RNF216: variants seen among roughly 807,000 people sequenced by gnomAD.
RNF216 encodes ring finger protein 216.
Under a neutral mutation model 110.8 loss-of-function variants are expected in RNF216, and 72 were observed. That is an observed-to-expected ratio of 0.65 (90% confidence interval 0.54 to 0.79). RNF216 has a LOEUF of 0.79. Among genes scored for constraint, RNF216 ranks in the 30% least tolerant of loss-of-function variants. The pLI is 0.00. For synonymous variants in RNF216, 495 were observed against 407.5 expected (o/e 1.21, Z -2.59); for missense variants, 1,342 against 1,141.2 (o/e 1.18, Z -2.54).
intron 13 of RNF216, among the ~76,000 whole-genome samples, chr7:5,705,237 C>A (rs1336946137): frequency 2.6e-5 from 4 of 152,190 alleles, no homozygotes; most frequent in Non-Finnish European, 5.9e-5. Flanking sequence ...AACACGTACA[C>A]ACTGGATGTC....
intron 15 of RNF216, among the ~76,000 whole-genome samples, chr7:5,635,295 T>G (rs1787332036): frequency 6.6e-6 from 1 of 151,722 alleles, no homozygotes; most frequent in Non-Finnish European, 1.5e-5. Context: ...CTTCACTTTT[T>G]TTTTTTTTTT....
chr7:5,727,707 TGAGA>T (rs1392338319), intron 7 of RNF216, among the ~76,000 whole-genome samples: 1 of 151,522 alleles, frequency 6.6e-6, no homozygotes, highest in Non-Finnish European at 1.5e-5. Context: ...CCAGCCTGGG[TGAGA>T]GAGAGAGACC....
At chr7:5,650,955 T>C (rs1788349327) in intron 14 of RNF216, among the ~76,000 whole-genome samples, 1 of 152,186 alleles carries the variant, frequency 6.6e-6, no homozygotes, top group African/African-American at 2.4e-5. Context: ...ATATCCTTCA[T>C]ATTTAAACTG....
intron 13 of RNF216, among the ~76,000 whole-genome samples, chr7:5,708,204 G>C (rs147087339): frequency 6.6e-6 from 1 of 152,326 alleles, no homozygotes; most frequent in South Asian, 2.1e-4. Flanking sequence ...AGGAGAAAAA[G>C]TGTTTTCTGT....
chr7:5,669,119 C>A (rs3807581), intron 13 of RNF216, among the ~76,000 whole-genome samples: 4 of 152,170 alleles, frequency 2.6e-5, no homozygotes, highest in African/African-American at 4.8e-5. Context: ...CACCCAGTCC[C>A]GTGCTATGCA....
At chr7:5,751,085 C>G (rs1377910390) in intron 3 of RNF216, among the ~76,000 whole-genome samples, 1 of 152,194 alleles carries the variant, frequency 6.6e-6, no homozygotes, top group Non-Finnish European at 1.5e-5. Flanking sequence ...CCTTAGAGTC[C>G]TAACGGCAGT....
Position 5,711,772 on chromosome 7 carries a change from G to C in RNF216, c.2050C>G (p.His684Asp). Residue 684 changes from histidine (H) to aspartate (D), a missense_variant, in exon 13 of 17, where the codon CAC becomes GAC. By Grantham distance (81) the His-to-Asp change is moderately conservative. Coordinates refer to ENST00000389902, the MANE Select transcript of RNF216 (RefSeq NM_207111.4). ...ATGTGCCTCCCTACCTTTCGGCAGT[G>C]AGGATTAGGACAGCTGAACCTCTTC... is the stretch of plus-strand genomic sequence containing the variant. ...DVKRFSCPNP[H>D]CRKETCRKCQ... The C allele has an allele frequency of 6.2e-7, 1 of 1,613,424 alleles. No individual in the cohort carries two copies. The highest frequency in any genetic ancestry group is 8.5e-7 in the Non-Finnish European group (1 of 1,179,696).
intron 2 of RNF216, among the ~76,000 whole-genome samples, chr7:5,757,199 T>C (rs996161205): frequency 6.6e-6 from 1 of 152,226 alleles, no homozygotes; most frequent in African/African-American, 2.4e-5. Context: ...AAACAAGTCT[T>C]AAAAATCCCC....
At chr7:5,742,684 C>G (rs1794829182) in intron 3 of RNF216, among the ~76,000 whole-genome samples, 1 of 147,256 alleles carries the variant, frequency 6.8e-6, no homozygotes, top group African/African-American at 2.5e-5. Flanking sequence ...CAACTTCTGC[C>G]TCCCAGGTTC....
chr7:5,726,554 G>A (rs1793763754), intron 7 of RNF216, among the ~76,000 whole-genome samples: 1 of 152,010 alleles, frequency 6.6e-6, no homozygotes, highest in Non-Finnish European at 1.5e-5. Context: ...TCCCTTATCA[G>A]GATTTAAATG....
At chr7:5,659,624 A>T (rs1159745376) in intron 13 of RNF216, among the ~76,000 whole-genome samples, 1 of 152,198 alleles carries the variant, frequency 6.6e-6, no homozygotes, top group Non-Finnish European at 1.5e-5. Flanking sequence ...TGTTAAAGGG[A>T]TGGTTTGCTG....
At chr7:5,770,936 T>C (rs1460218225) in intron 1 of RNF216, among the ~76,000 whole-genome samples, 1 of 151,848 alleles carries the variant, frequency 6.6e-6, no homozygotes, top group Non-Finnish European at 1.5e-5. Flanking sequence ...GCCTCCAGAG[T>C]TGCTGGAATT....
At chr7:5,630,134 A>C (rs1043505334) in intron 15 of RNF216, among the ~76,000 whole-genome samples, 1 of 152,082 alleles carries the variant, frequency 6.6e-6, no homozygotes, top group African/African-American at 2.4e-5. Context: ...ATCACAGCAC[A>C]ACTGTCCTGC....
intron 5 of RNF216, among the ~76,000 whole-genome samples, chr7:5,737,874 G>C (rs1363199349): frequency 2.6e-5 from 4 of 152,050 alleles, no homozygotes; most frequent in Non-Finnish European, 4.4e-5. Context: ...CAGATCATGA[G>C]GTCAGGGTTT....
chr7:5,702,170 C>G (rs1792010392), intron 13 of RNF216, among the ~76,000 whole-genome samples: 1 of 152,106 alleles, frequency 6.6e-6, no homozygotes, highest in South Asian at 2.1e-4. Flanking sequence ...GCAGTTGCCT[C>G]TGCGAGTTTC....
chr7:5,770,778 A>G (rs1251285992), intron 1 of RNF216, among the ~76,000 whole-genome samples: 1 of 152,076 alleles, frequency 6.6e-6, no homozygotes, highest in Non-Finnish European at 1.5e-5. Context: ...AAACAGACCA[A>G]TGGAACAGAG....
intron 11 of RNF216, among the ~76,000 whole-genome samples, chr7:5,714,831 G>A (rs796940538): frequency 4.9e-4 from 74 of 152,244 alleles, no homozygotes; most frequent in African/African-American, 1.7e-3. Flanking sequence ...GCTCCTCTGC[G>A]GCTAGGCGTG....
chr7:5,679,754 G>A (rs976245784), intron 13 of RNF216, among the ~76,000 whole-genome samples: 7 of 152,190 alleles, frequency 4.6e-5, no homozygotes, highest in Admixed American at 6.5e-5. Context: ...AGAGAAGAGC[G>A]TATCTGTGTG....
Position 5,741,083 on chromosome 7 carries a change from C to T in RNF216, c.934G>A (p.Gly312Ser). The T allele has an allele frequency of 6.2e-7, 1 of 1,614,150 alleles. No individual in the cohort carries two copies. The change falls in exon 4 of 17, where the codon GGT (glycine) becomes AGT (serine). Residue 312 changes from glycine (G) to serine (S), a missense_variant. Physicochemically the swap from Gly to Ser is moderately conservative, Grantham distance 56. Coordinates refer to ENST00000389902, the MANE Select transcript of RNF216 (RefSeq NM_207111.4). ...QQLASDDEEP[G>S]PAFPMQESQE... is the part of the protein sequence containing the mutation. Reference sequence around the variant, plus strand: ...GATTCTTGCATTGGAAAGGCTGGACCTGGCTCTTCATCATCACTTGCTAAC... The same window carrying T: ...GATTCTTGCATTGGAAAGGCTGGACTTGGCTCTTCATCATCACTTGCTAAC...
Sources: allele counts gnomAD v4.1 joint callset (sites outside exome capture counted in the v4.1 genomes callset), GRCh38; gene constraint gnomAD v4.1.1; transcripts MANE v1.5; gene names NCBI Gene and HGNC (gene_info 2026-07-23, HGNC 2026-07-21).